The following RRM2 variants were observed in gnomAD, a reference collection of about 807,000 sequenced individuals.
RRM2 encodes the protein ribonucleotide reductase regulatory subunit M2.
Under a neutral mutation model 45.9 loss-of-function variants are expected in RRM2, and 6 were observed. That is an observed-to-expected ratio of 0.13 (90% CI 0.07 to 0.26). The LOEUF is 0.26. Among genes scored for constraint, RRM2 ranks in the 10% least tolerant of loss-of-function variants. The pLI is 1.00. For missense variants in RRM2, 343 were observed against 489.5 expected (o/e 0.70, Z 2.82); for synonymous variants, 177 against 173.0 (o/e 1.02, Z -0.18).
downstream of RRM2, among the ~76,000 whole-genome samples, chr2:10,136,108 T>C (rs569149367): frequency 3.3e-5 from 5 of 152,288 alleles, no homozygotes; most frequent in East Asian, 9.6e-4. Flanking sequence ...CATCTTCCTG[T>C]GTCCGGGCAG....
chr2:10,202,588 G>A (rs1054175313), intron 3 of RRM2, among the ~76,000 whole-genome samples: 6 of 151,518 alleles, frequency 4.0e-5, no homozygotes, highest in African/African-American at 1.5e-4. Context: ...GTTTTATTTT[G>A]GGGTGAGAAG....
chr2:10,151,446 C>T (rs967375519), intron 3 of RRM2, among the ~76,000 whole-genome samples: 3 of 151,860 alleles, frequency 2.0e-5, no homozygotes, highest in Non-Finnish European at 2.9e-5. Flanking sequence ...TACAGGTGCC[C>T]ACCAACAGCC....
chr2:10,148,143 CAAAAAAAAAAAA>C (rs374826185), intron 3 of RRM2, among the ~76,000 whole-genome samples: 4 of 119,616 alleles, frequency 3.3e-5, no homozygotes, highest in African/African-American at 1.2e-4. Context: ...GACCCTGACT[CAAAAAAAAAAAA>C]AAAAAAAAAA....
At chr2:10,140,601 A>G (rs1558385238), upstream of RRM2, among the ~76,000 whole-genome samples, 1 of 152,218 alleles carries the variant, frequency 6.6e-6, no homozygotes, top group African/African-American at 2.4e-5. Context: ...GTCACTCTAG[A>G]TGAGAAATAC....
At position 10,163,531 on chromosome 2, in the gene RRM2, G is replaced by A. The variant is rs554594751; in HGVS notation, n.482+21156G>A. Among the ~76,000 whole-genome samples, 228 of 152,276 alleles carry A rather than the reference G, an allele frequency of 1.5e-3. 1 individual carries two copies. Among genetic ancestry groups the A allele is most frequent in the African/African-American group, 5.1e-3 (212 of 41,558 alleles). The stretch of plus-strand genomic sequence containing the variant: ...TTGGGCAAGTCACATGGCCCTCTCG[G>A]CCTCAGTTTCCCCGGGTCTGCAAAA... On this transcript the variant is annotated intron_variant and non_coding_transcript_variant, in intron 3 of 3. Transcript: ENST00000381786.
In RRM2 at chr2:10,195,741, C is replaced by G. The variant is rs1466486168; in HGVS notation, n.483-14570C>G. ...GTGTTCTTGGGCCTCAGGGACGTGT[C>G]GTGACTGGCTGAAGGCTGTCACGGT... On this transcript the variant is annotated intron_variant and non_coding_transcript_variant, in intron 3 of 3. Transcript: ENST00000381786. This position sits in a 1 kb window ranked among gnomAD's most constrained non-coding sequence, Gnocchi z 4.9. Among the ~76,000 whole-genome samples, 1 of 152,010 alleles carries G rather than the reference C, an allele frequency of 6.6e-6. No individual in the cohort carries two copies. Among genetic ancestry groups the G allele is most frequent in the Admixed American group, 6.5e-5 (1 of 15,274 alleles).
At chr2:10,164,984 C>G (rs929469093) in intron 3 of RRM2, among the ~76,000 whole-genome samples, 1 of 152,208 alleles carries the variant, frequency 6.6e-6, no homozygotes, top group Non-Finnish European at 1.5e-5. Context: ...CAGAGGGGAC[C>G]CCGCTTTACT....
intron 3 of RRM2, among the ~76,000 whole-genome samples, chr2:10,190,025 G>A (rs1209602305): frequency 3.3e-5 from 5 of 151,960 alleles, no homozygotes; most frequent in African/African-American, 1.2e-4. Context: ...TGATGATGGT[G>A]GTGATGGTGG....
At chr2:10,161,885 T>C (rs1308939821) in intron 3 of RRM2, among the ~76,000 whole-genome samples, 1 of 152,228 alleles carries the variant, frequency 6.6e-6, no homozygotes, top group South Asian at 2.1e-4. Flanking sequence ...CTGCTCTGAC[T>C]TGGAAGCCCA....
At position 10,129,195 on chromosome 2, in the gene RRM2, T is replaced by C. The variant is rs370125026; in HGVS notation, c.1018-39T>C. The C allele has an allele frequency of 2.1e-5, 34 of 1,613,902 alleles. No homozygotes were observed. The African/African-American group carries it at 4.4e-4, about 21-fold the overall frequency. Reference sequence around the variant, plus strand: ...CATAGCCTTTTGCTTGTTTTGAAGCTGGTGCTCTGTATTTATATCTTGATG... The same window carrying C: ...CATAGCCTTTTGCTTGTTTTGAAGCCGGTGCTCTGTATTTATATCTTGATG... On this transcript the variant is annotated intron_variant, in intron 9 of 9. Transcript: ENST00000304567. The surrounding 1 kb of genome is among the most constrained non-coding windows in gnomAD (Gnocchi z 4.8).
chr2:10,135,918 A>G (rs1462833593), downstream of RRM2, among the ~76,000 whole-genome samples: 1 of 151,552 alleles, frequency 6.6e-6, no homozygotes, highest in East Asian at 1.9e-4. Context: ...AGAGTGATGA[A>G]GCGGGTTATT....
downstream of RRM2, among the ~76,000 whole-genome samples, chr2:10,134,334 G>A (rs573189963): frequency 9.9e-5 from 15 of 152,216 alleles, no homozygotes; most frequent in Middle Eastern, 6.8e-3. Flanking sequence ...AGGGGCTGAC[G>A]TGCAATTGGA....
chr2:10,161,108 C>T (rs1663547076), intron 3 of RRM2, among the ~76,000 whole-genome samples: 1 of 152,150 alleles, frequency 6.6e-6, no homozygotes, highest in South Asian at 2.1e-4. Context: ...CGCTCTGTGG[C>T]CCAGGCTGGA....
intron 3 of RRM2, among the ~76,000 whole-genome samples, chr2:10,157,643 C>T (rs900790210): frequency 6.6e-6 from 1 of 152,184 alleles, no homozygotes; most frequent in African/African-American, 2.4e-5. Context: ...GCTTGTGAGA[C>T]TGTGTTGCAG....
chr2:10,182,607 T>C (rs2125326039), intron 3 of RRM2, among the ~76,000 whole-genome samples: 1 of 152,322 alleles, frequency 6.6e-6, no homozygotes, highest in Admixed American at 6.5e-5. Flanking sequence ...GAGGCTAGCC[T>C]GAGCAACATA....
At chr2:10,200,466 G>A (rs4669552) in intron 3 of RRM2, among the ~76,000 whole-genome samples, 13,896 of 32,752 alleles carry the variant, frequency 0.42, 1,889 homozygotes, top group East Asian at 0.63. Context: ...GGGACCGCGC[G>A]CGCAAAATAT....
At chr2:10,144,991 C>G (rs1193783883) in intron 3 of RRM2, among the ~76,000 whole-genome samples, 1 of 152,172 alleles carries the variant, frequency 6.6e-6, no homozygotes, top group Non-Finnish European at 1.5e-5. Context: ...GCTGGGGAAT[C>G]AGGGAGACAC....
upstream of RRM2, among the ~76,000 whole-genome samples, chr2:10,139,912 C>T (rs73169305): frequency 0.031 from 4,746 of 152,254 alleles, 258 homozygotes; most frequent in African/African-American, 0.11. Flanking sequence ...TCTGGTTCAC[C>T]GCCTGGTTTT....
At chr2:10,192,691 A>G (rs1171683793) in intron 3 of RRM2, 1 of 154,136 alleles carries the variant, frequency 6.5e-6, no homozygotes, top group Admixed American at 6.5e-5. Flanking sequence ...GGGAAGACTG[A>G]AAGTATTAGG....
Sources: gnomAD v4.1 joint callset for allele counts (sites outside exome capture counted in the v4.1 genomes callset) on GRCh38, gnomAD v4.1.1 for gene constraint, Gnocchi (gnomAD v3.1) non-coding constraint, MANE v1.5 for transcripts, NCBI Gene and HGNC (gene_info 2026-07-23, HGNC 2026-07-21) for gene names.